OCA2: variants seen among roughly 807,000 people sequenced by gnomAD.
OCA2 encodes OCA2 melanosomal transmembrane protein.
In OCA2, 77 loss-of-function variants were observed where a neutral mutation model predicts 100.2. The observed-to-expected ratio is 0.77, with a 90% CI of 0.64 to 0.93. The LOEUF (loss-of-function observed/expected upper bound fraction) is 0.93. Among genes scored for constraint, OCA2 ranks in the 40% least tolerant of loss-of-function variants. The pLI, the probability that OCA2 is intolerant of heterozygous loss-of-function variation, is 0.00. For missense variants in OCA2, 1,062 were observed against 1,089.1 expected (o/e 0.98, Z 0.35); for synonymous variants, 432 against 439.2 (o/e 0.98, Z 0.21).
chr15:27,842,003 T>G (rs2035359420), intron 23 of OCA2, among the ~76,000 whole-genome samples: 1 of 152,254 alleles, frequency 6.6e-6, no homozygotes, highest in Non-Finnish European at 1.5e-5. Flanking sequence ...AGCGGTTCTA[T>G]GTCAGAAAAT....
At position 27,775,404 on chromosome 15, in the gene OCA2, C is replaced by T. The variant is rs541030245; in HGVS notation, c.2433-19932G>A. Among the ~76,000 whole-genome samples the T allele has an allele frequency of 3.9e-4, 59 of 152,188 alleles. 1 individual carries two copies. The highest frequency in any genetic ancestry group is 3.2e-3 in the Middle Eastern group (1 of 316). ...CTCCTGTACTGAAAAAGATCCCACA[C>T]CTATGGAGATGGTATTAAAATCTAT... On this transcript the variant is annotated intron_variant, in intron 23 of 23. Transcript: ENST00000354638.
At chr15:27,872,426 T>C (rs1039959888) in intron 19 of OCA2, among the ~76,000 whole-genome samples, 19 of 152,172 alleles carry the variant, frequency 1.2e-4, no homozygotes, top group African/African-American at 4.6e-4. Flanking sequence ...TTCAGAAAAC[T>C]GTACTCAGGG....
chr15:28,076,408 G>A (rs1287809254), intron 2 of OCA2, among the ~76,000 whole-genome samples: 8 of 152,150 alleles, frequency 5.3e-5, no homozygotes, highest in African/African-American at 1.7e-4. Flanking sequence ...CCTGCTAAGT[G>A]GAAGACCAAA....
At chr15:28,019,657 C>G (rs1001248691) in intron 6 of OCA2, among the ~76,000 whole-genome samples, 5 of 152,176 alleles carry the variant, frequency 3.3e-5, no homozygotes, top group African/African-American at 1.2e-4. Flanking sequence ...CCAGCCTCCT[C>G]CACAGGGCAG....
chr15:27,801,938 G>C (rs1225347320), intron 23 of OCA2, among the ~76,000 whole-genome samples: 1 of 152,054 alleles, frequency 6.6e-6, no homozygotes, highest in Non-Finnish European at 1.5e-5. Context: ...ATTTTATTGG[G>C]TGTAAATAGC....
At chr15:28,055,575 A>G (rs180754543) in intron 2 of OCA2, among the ~76,000 whole-genome samples, 105 of 152,150 alleles carry the variant, frequency 6.9e-4, no homozygotes, top group Admixed American at 1.2e-3. Context: ...TCTTCCTTAC[A>G]TTTTCCAAGG....
At chr15:28,075,159 T>C (rs141859033) in intron 2 of OCA2, among the ~76,000 whole-genome samples, 56 of 152,140 alleles carry the variant, frequency 3.7e-4, no homozygotes, top group African/African-American at 1.2e-3. Flanking sequence ...AAAAGAATAA[T>C]TGATAAATTG....
At chr15:27,896,364 C>T in intron 19 of OCA2, 2 of 761,056 alleles carry the variant, frequency 2.6e-6, no homozygotes, top group Non-Finnish European at 4.8e-6. Flanking sequence ...ACAGTTCGTT[C>T]AATACAGGAA....
At position 27,910,573 on chromosome 15, in the gene OCA2, A is replaced by T. The variant is rs1567093498; in HGVS notation, c.2079+15554T>A. On this transcript the variant is annotated intron_variant, in intron 19 of 23. Coordinates refer to ENST00000354638, the MANE Select transcript of OCA2 (RefSeq NM_000275.3). Reference sequence around the variant, plus strand: ...TAACATTAAGCTTATAAAAAGCAAAATGTGAAAGATTATCTACACTATGTT... The same window carrying T: ...TAACATTAAGCTTATAAAAAGCAAATTGTGAAAGATTATCTACACTATGTT... 2.0e-5 allele frequency among the ~76,000 whole-genome samples: 3 copies of T among 152,066 alleles called. No individual in the cohort carries two copies. In the South Asian group the frequency reaches 6.2e-4, roughly 31 times the overall value.
chr15:27,721,465 ATGAG>A, the OCA2 span, among the ~76,000 whole-genome samples: 332 of 152,360 alleles, frequency 2.2e-3, no homozygotes, highest in Non-Finnish European at 3.5e-3. Flanking sequence ...TATTATTTTA[ATGAG>A]TAACATTAAA....
At chr15:27,746,035 C>G in the OCA2 span, among the ~76,000 whole-genome samples, 1 of 152,214 alleles carries the variant, frequency 6.6e-6, no homozygotes, top group Non-Finnish European at 1.5e-5. Flanking sequence ...CAAGCTCTAA[C>G]CCAACCACCT....
intron 17 of OCA2, among the ~76,000 whole-genome samples, chr15:27,953,447 A>T (rs992309393): frequency 6.6e-6 from 1 of 152,152 alleles, no homozygotes; most frequent in South Asian, 2.1e-4. Flanking sequence ...ATTTTCCTAC[A>T]TGATTCTGTG....
At chr15:27,877,241 T>C (rs904566073) in intron 19 of OCA2, among the ~76,000 whole-genome samples, 6 of 151,988 alleles carry the variant, frequency 3.9e-5, no homozygotes, top group African/African-American at 1.4e-4. Flanking sequence ...ATAATCCTTA[T>C]GATGTAATAT....
At chr15:27,978,406 T>A (rs1463120901) in intron 14 of OCA2, among the ~76,000 whole-genome samples, 1 of 152,238 alleles carries the variant, frequency 6.6e-6, no homozygotes, top group Non-Finnish European at 1.5e-5. Context: ...TCTCCAACTA[T>A]AATTAAGGAT....
intron 23 of OCA2, among the ~76,000 whole-genome samples, chr15:27,756,720 A>G (rs555750952): frequency 2.0e-5 from 3 of 152,152 alleles, no homozygotes; most frequent in Non-Finnish European, 4.4e-5. Flanking sequence ...GATTGTGTAG[A>G]GTGAGTCAGT....
intron 14 of OCA2, 142 bp downstream of exon 14, chr15:27,983,203 G>T: frequency 1.0e-6 from 1 of 980,510 alleles, no homozygotes; most frequent in Non-Finnish European, 1.6e-6. Context: ...TAACATCCCA[G>T]TCTTGAGATG....
At position 27,965,308 on chromosome 15, in the gene OCA2, A is replaced by G. The variant is rs961600221; in HGVS notation, c.1636+1382T>C. Among the ~76,000 whole-genome samples, 7 of 152,380 alleles carry G rather than the reference A, an allele frequency of 4.6e-5. 1 individual carries two copies. The Middle Eastern group carries it at 0.014, about 296-fold the overall frequency. On this transcript the variant is annotated intron_variant, in intron 15 of 23. Coordinates refer to ENST00000354638, the MANE Select transcript of OCA2 (RefSeq NM_000275.3). Reference sequence around the variant, plus strand: ...TAATTTATCTTACTTTGCATATATTAGTTGATTATAAAACATTCTAAACAC... The same window carrying G: ...TAATTTATCTTACTTTGCATATATTGGTTGATTATAAAACATTCTAAACAC...
At chr15:28,016,294 G>T in intron 7 of OCA2, 108 bp from the exon 8 acceptor site, 1 of 858,598 alleles carries the variant, frequency 1.2e-6, no homozygotes, top group Non-Finnish European at 2.0e-6. Flanking sequence ...AAAGGAGAAA[G>T]AAAGAAACAG....
intron 21 of OCA2, among the ~76,000 whole-genome samples, chr15:27,860,090 G>C (rs1018809181): frequency 6.6e-6 from 1 of 152,034 alleles, no homozygotes; most frequent in Non-Finnish European, 1.5e-5. Context: ...TAATGAATAA[G>C]TAAAATACAC....
Sources: allele counts gnomAD v4.1 joint callset (sites outside exome capture counted in the v4.1 genomes callset), GRCh38; gene constraint gnomAD v4.1.1; transcripts MANE v1.5; gene names NCBI Gene and HGNC (gene_info 2026-07-23, HGNC 2026-07-21).